The following NEK3 variants were observed in gnomAD, a reference collection of about 807,000 sequenced individuals.
NEK3 encodes NIMA related kinase 3.
Under a neutral mutation model 66.0 loss-of-function variants are expected in NEK3, and 54 were observed. That is an observed-to-expected ratio of 0.82 (90% confidence interval 0.66 to 1.03). NEK3 has a LOEUF of 1.03. Among genes scored for constraint, NEK3 ranks in the 50% least tolerant of loss-of-function variants. The pLI, the probability that NEK3 is intolerant of heterozygous loss-of-function variation, is 0.00. For synonymous variants in NEK3, 200 were observed against 206.2 expected, an observed-to-expected ratio of 0.97 and a Z score of 0.26; for missense variants, 593 against 603.0, an observed-to-expected ratio of 0.98 and a Z score of 0.17.
chr13:52,151,384 G>T lies in NEK3; in HGVS notation c.402C>A (p.Phe134Leu). ...LHRDIKSKNI[F>L]LTQNGKVKLG... ...ATTTCACTTTTCCATTCTGAGTGAGGAAGATATTCTGCATTTAAAAAGAAA... is the reference window on the plus strand; with the variant it reads ...ATTTCACTTTTCCATTCTGAGTGAGTAAGATATTCTGCATTTAAAAAGAAA... Residue 134 changes from phenylalanine to leucine, a missense_variant, in exon 6 of 16, where the codon TTC becomes TTA. Coordinates refer to ENST00000610828, the MANE Select transcript of NEK3 (RefSeq NM_002498.3). 1 of 1,584,496 alleles carries T rather than the reference G, an allele frequency of 6.3e-7. No individual in the cohort carries two copies. Among genetic ancestry groups the T allele is most frequent in the Non-Finnish European group, 8.6e-7 (1 of 1,164,596 alleles).
At position 52,133,882 on chromosome 13, in the gene NEK3, TA is replaced by T. The variant is rs1469042569; in HGVS notation, c.1310-68del. 2.0e-6 allele frequency: 3 copies of T among 1,489,150 alleles called. No individual in the cohort carries two copies. In the East Asian group the frequency reaches 7.4e-5, roughly 37 times the overall value. 92.2% of individuals were successfully genotyped at this position (1,489,150 alleles called of 1,614,324 possible). A position where few individuals can be genotyped will look rare whatever the true frequency, so the allele number is the denominator to read the frequency against. ...ATTTACTTATTTCATGCAGTTTGAT[TA>T]AAATCCTCCGTAAGCTTGCTGGCTG... On this transcript the variant is annotated intron_variant, in intron 14 of 15. Coordinates refer to ENST00000610828, the MANE Select transcript of NEK3 (RefSeq NM_002498.3).
At chr13:52,133,430 TA>T (rs1956172031) in intron 15 of NEK3, among the ~76,000 whole-genome samples, 1 of 152,098 alleles carries the variant, frequency 6.6e-6, no homozygotes, top group South Asian at 2.1e-4. Context: ...TAAATCCTAA[TA>T]TATTAAAAAA....
chr13:52,138,510 C>T (rs1328140282), intron 11 of NEK3, among the ~76,000 whole-genome samples: 1 of 152,114 alleles, frequency 6.6e-6, no homozygotes, highest in African/African-American at 2.4e-5. Flanking sequence ...TTTGTAGCAA[C>T]ATAATGGTGG....
Position 52,136,359 on chromosome 13 carries a change from T to C in NEK3, c.1031-100A>G. 3 of 1,137,760 alleles carry C rather than the reference T, an allele frequency of 2.6e-6. No individual in the cohort carries two copies. In the South Asian group the frequency reaches 4.9e-5, roughly 19 times the overall value. 70.5% of individuals were successfully genotyped at this position (1,137,760 alleles called of 1,614,324 possible). A position where few individuals can be genotyped will look rare whatever the true frequency, so the allele number is the denominator to read the frequency against. On this transcript the variant is annotated intron_variant, in intron 12 of 15. Coordinates refer to ENST00000610828, the MANE Select transcript of NEK3 (RefSeq NM_002498.3). Reference sequence around the variant, plus strand: ...AACAAATATGGAAGTGTTTCTTTTCTCTTTCATATTCAGATCTATGTTTGA... The same window carrying C: ...AACAAATATGGAAGTGTTTCTTTTCCCTTTCATATTCAGATCTATGTTTGA...
At chr13:52,153,637 GA>G (rs1956365284) in intron 4 of NEK3, among the ~76,000 whole-genome samples, 1 of 152,014 alleles carries the variant, frequency 6.6e-6, no homozygotes, top group Non-Finnish European at 1.5e-5. Flanking sequence ...AAAATTTGGT[GA>G]TACGATCTTG....
chr13:52,134,643 G>A (rs761844016), intron 14 of NEK3, among the ~76,000 whole-genome samples: 16 of 152,200 alleles, frequency 1.1e-4, no homozygotes, highest in African/African-American at 7.2e-5. Flanking sequence ...ATAGCACTAT[G>A]ACATATTTTT....
chr13:52,143,348 A>G (rs997897571), intron 10 of NEK3, among the ~76,000 whole-genome samples: 1 of 151,238 alleles, frequency 6.6e-6, no homozygotes, highest in African/African-American at 2.4e-5. Flanking sequence ...TTAGGTTCAC[A>G]GCAAAACTGA....
At chr13:52,143,347 C>G (rs377350030) in intron 10 of NEK3, among the ~76,000 whole-genome samples, 1 of 151,438 alleles carries the variant, frequency 6.6e-6, no homozygotes, top group South Asian at 2.1e-4. Context: ...TTTAGGTTCA[C>G]AGCAAAACTG....
At chr13:52,151,699 ATCTGAGAACACATGGACTTAGTAAG>A (rs1566860311) in intron 5 of NEK3, among the ~76,000 whole-genome samples, 8 of 152,232 alleles carry the variant, frequency 5.3e-5, no homozygotes, top group African/African-American at 1.9e-4. Flanking sequence ...ACCGTTTTCC[ATCTGAGAACACATGGACTTAGTAAG>A]TGGTCACTAA....
rs1339715602 is a variant in NEK3 at position 52,136,108 on chromosome 13, C to T, written c.1174+8G>A. 6.2e-7 allele frequency: 1 copy of T among 1,613,314 alleles called. No individual in the cohort carries two copies. Among genetic ancestry groups the T allele is most frequent in the South Asian group, 1.1e-5 (1 of 90,998 alleles). ...AATAAAATAATAGTATTCAATCTGA[C>T]TACTAACCTCTATCGTCCTCTGCTG... On this transcript the variant is annotated splice_region_variant and intron_variant, in intron 13 of 15. Transcript: ENST00000610828.
At chr13:52,136,079 C>A (rs1594020943) in intron 13 of NEK3, 37 bp downstream of exon 13, 5 of 1,606,314 alleles carry the variant, frequency 3.1e-6, no homozygotes, top group East Asian at 4.5e-5. Context: ...AGAAAAAGTT[C>A]TCTAATAAAA....
intron 1 of NEK3, chr13:52,156,505 G>A (rs1956397778): frequency 5.0e-6 from 1 of 199,896 alleles, no homozygotes; most frequent in South Asian, 8.9e-5. Flanking sequence ...ATATCCATTT[G>A]TAAATGTGTC....
chr13:52,159,632 G>A (rs1318857202), upstream of NEK3: 1 of 152,414 alleles, frequency 6.6e-6, no homozygotes, highest in African/African-American at 2.4e-5. Flanking sequence ...TCGGGTTGCG[G>A]GTGAAGGAAG....
chr13:52,152,352 T>TAA (rs1956354689), intron 5 of NEK3, among the ~76,000 whole-genome samples: 1 of 152,224 alleles, frequency 6.6e-6, no homozygotes, highest in African/African-American at 2.4e-5. Context: ...ACAGATATGT[T>TAA]AATTACCTTG....
intron 5 of NEK3, 84 bp downstream of exon 5, chr13:52,152,525 T>C: frequency 1.3e-6 from 1 of 747,298 alleles, no homozygotes; most frequent in East Asian, 2.8e-5. Context: ...TAAACAAAAC[T>C]GTCCCAAAAT....
At position 52,151,183 on chromosome 13, in the gene NEK3, G is replaced by C. The variant is rs765801560; in HGVS notation, c.511C>G (p.Pro171Ala). The change falls in exon 7 of 16, where the codon CCA (proline) becomes GCA (alanine). Residue 171 changes from proline (P) to alanine (A), a missense_variant. Transcript: ENST00000610828. ...TAAGGCAGGTTTTCCCAAATTTCTG[G>C]AGGCACATAATAAGGAGTTCCCACA... ...TYVGTPYYVP[P>A]EIWENLPYNN... 60 of 1,610,504 alleles carry C rather than the reference G, an allele frequency of 3.7e-5. No homozygotes were observed. Among genetic ancestry groups the C allele is most frequent in the Non-Finnish European group, 5.0e-5 (59 of 1,178,542 alleles).
chr13:52,154,082 T>C lies in NEK3; in HGVS notation c.209A>G (p.Glu70Gly), dbSNP rs1956371242. 1.2e-6 allele frequency: 2 copies of C among 1,610,750 alleles called. No individual in the cohort carries two copies. Among genetic ancestry groups the C allele is most frequent in the Non-Finnish European group, 8.5e-7 (1 of 1,177,692 alleles). The change falls in exon 3 of 16, where the codon GAA (glutamate) becomes GGA (glycine). Residue 70 changes from glutamate (E) to glycine (G), a missense_variant and splice_region_variant. By Grantham distance (98) the Glu-to-Gly change is moderately conservative. Coordinates refer to ENST00000610828, the MANE Select transcript of NEK3 (RefSeq NM_002498.3). Reference protein sequence around the residue: ...PNIVAFKESFEAEGHLYIVME... With the variant: ...PNIVAFKESFGAEGHLYIVME... ...TATCTGGGGGAATTCGTATTTACCT[T>C]CAAATGATTCTTTGAAGGCAACAAT...
At position 52,154,100 on chromosome 13, in the gene NEK3, G is replaced by T; in HGVS notation, c.191C>A (p.Ala64Asp). ...LAKMKHPNIV[A>D]FKESFEAEGH... ...TTTACCTTCAAATGATTCTTTGAAG[G>T]CAACAATATTAGGGTGTTTCATTTT... The change falls in exon 3 of 16, where the codon GCC (alanine) becomes GAC (aspartate). Residue 64 changes from alanine to aspartate, a missense_variant. Transcript: ENST00000610828. 1 of 1,611,618 alleles carries T rather than the reference G, an allele frequency of 6.2e-7. No individual in the cohort carries two copies.
chr13:52,142,337 C>T (rs902959495), intron 10 of NEK3, among the ~76,000 whole-genome samples: 7 of 150,738 alleles, frequency 4.6e-5, no homozygotes, highest in Admixed American at 1.3e-4. Flanking sequence ...AGTGCAGTGG[C>T]GCAATCTCGG....
Sources: allele counts gnomAD v4.1 joint callset (sites outside exome capture counted in the v4.1 genomes callset), GRCh38; gene constraint gnomAD v4.1.1; transcripts MANE v1.5; gene names NCBI Gene and HGNC (gene_info 2026-07-23, HGNC 2026-07-21).